The following TDRD12 variants were observed in gnomAD, a reference collection of about 807,000 sequenced individuals.
TDRD12 encodes tudor domain containing 12.
A neutral mutation model predicts 133.5 loss-of-function variants in TDRD12; 158 were observed. The ratio of observed to expected loss-of-function variants is 1.18; its 90% CI spans 1.04 to 1.35. The LOEUF (loss-of-function observed/expected upper bound fraction) is 1.35. Ranked by LOEUF, TDRD12 falls within the 40% of genes most tolerant of loss-of-function variation. The pLI, the probability that TDRD12 is intolerant of heterozygous loss-of-function variation, is 0.00. For synonymous variants in TDRD12, 460 were observed against 477.9 expected (o/e 0.96, Z 0.49); for missense variants, 1,443 against 1,321.3 (o/e 1.09, Z -1.43).
chr19:32,753,776 C>CA (rs1234167700), intron 6 of TDRD12, among the ~76,000 whole-genome samples: 2 of 151,576 alleles, frequency 1.3e-5, no homozygotes, highest in African/African-American at 4.9e-5. Context: ...CTCGGCCTCC[C>CA]AAAGTGTTGG....
At chr19:32,742,965 T>C in intron 4 of TDRD12, 65 bp downstream of exon 4, 1 of 1,535,352 alleles carries the variant, frequency 6.5e-7, no homozygotes, top group South Asian at 1.2e-5. Flanking sequence ...GCACGATCTT[T>C]GTATGAAGTC....
At chr19:32,783,399 A>T (rs1405473609) in intron 11 of TDRD12, among the ~76,000 whole-genome samples, 1 of 152,158 alleles carries the variant, frequency 6.6e-6, no homozygotes, top group Non-Finnish European at 1.5e-5. Flanking sequence ...AGGTAGCGTG[A>T]TGCCTCCAGC....
chr19:32,766,521 T>C (rs929042533), intron 8 of TDRD12, among the ~76,000 whole-genome samples: 1 of 152,222 alleles, frequency 6.6e-6, no homozygotes, highest in African/African-American at 2.4e-5. Context: ...TCTGTTTGTC[T>C]CATCTGGTTT....
At chr19:32,730,604 T>A (rs185758018) in intron 1 of TDRD12, among the ~76,000 whole-genome samples, 59 of 152,300 alleles carry the variant, frequency 3.9e-4, no homozygotes, top group Admixed American at 1.2e-3. Flanking sequence ...TTCAGAAAAG[T>A]AGAAATAATA....
intron 22 of TDRD12, among the ~76,000 whole-genome samples, chr19:32,809,682 G>A (rs1966934536): frequency 6.6e-6 from 1 of 152,134 alleles, no homozygotes; most frequent in Non-Finnish European, 1.5e-5. Flanking sequence ...TTTCATCCCT[G>A]TAACCCTGGA....
chr19:32,762,943 T>C (rs1599553572), intron 8 of TDRD12, among the ~76,000 whole-genome samples: 1 of 152,222 alleles, frequency 6.6e-6, no homozygotes, highest in Non-Finnish European at 1.5e-5. Flanking sequence ...CTGTACAGTA[T>C]GTTACTGTAT....
chr19:32,764,429 A>C (rs1970238372), intron 8 of TDRD12, among the ~76,000 whole-genome samples: 1 of 151,140 alleles, frequency 6.6e-6, no homozygotes, highest in Non-Finnish European at 1.5e-5. Flanking sequence ...ATCTTCATTG[A>C]CTCCTTAAGT....
chr19:32,742,266 C>T (rs1346681598), intron 3 of TDRD12, among the ~76,000 whole-genome samples: 6 of 151,926 alleles, frequency 3.9e-5, no homozygotes, highest in African/African-American at 1.5e-4. Context: ...AAGCAATTCT[C>T]CTGCCTCAGC....
At chr19:32,800,309 T>A in exon 17 of TDRD12, 1 of 1,528,502 alleles carries the variant, frequency 6.5e-7, no homozygotes, top group Non-Finnish European at 8.7e-7. Context: ...GATCCCTACA[T>A]TGTGATCACA....
chr19:32,744,074 G>A (rs895615705), intron 4 of TDRD12, among the ~76,000 whole-genome samples: 5 of 150,178 alleles, frequency 3.3e-5, no homozygotes, highest in Admixed American at 6.6e-5. Context: ...GTCAACATAC[G>A]TATCTCTTCT....
At chr19:32,795,759 A>ATCTGCTCGGCT (rs1490598145) in intron 14 of TDRD12, among the ~76,000 whole-genome samples, 1 of 152,212 alleles carries the variant, frequency 6.6e-6, no homozygotes, top group Non-Finnish European at 1.5e-5. Context: ...TGATGCTGGC[A>ATCTGCTCGGCT]TCTGCTCGGC....
chr19:32,802,934 G>C, exon 21 of TDRD12: 1 of 1,535,604 alleles, frequency 6.5e-7, no homozygotes, highest in Non-Finnish European at 8.7e-7. Context: ...TTCTCCTGCA[G>C]AACAGGGAGA....
chr19:32,773,722 G>A (rs541696401), intron 10 of TDRD12, among the ~76,000 whole-genome samples, 190 bp downstream of exon 10: 8 of 152,094 alleles, frequency 5.3e-5, no homozygotes, highest in East Asian at 1.9e-4. Context: ...ATAATAATTC[G>A]GTGTAATTGA....
intron 2 of TDRD12, among the ~76,000 whole-genome samples, chr19:32,732,714 T>C (rs921974005): frequency 6.6e-6 from 1 of 152,184 alleles, no homozygotes; most frequent in African/African-American, 2.4e-5. Context: ...ATAAACTCTT[T>C]ATGAGAAAAA....
chr19:32,797,509 A>G (rs1208074090), intron 14 of TDRD12, among the ~76,000 whole-genome samples: 1 of 152,214 alleles, frequency 6.6e-6, no homozygotes, highest in African/African-American at 2.4e-5. Context: ...TAAGAGCTAA[A>G]TGAATGCATA....
rs529399464 is a variant in TDRD12 at position 32,802,824 on chromosome 19, T to C, written c.2331+35T>C. 6 of 1,535,372 alleles carry C rather than the reference T, an allele frequency of 3.9e-6. No homozygotes were observed. In the South Asian group the frequency reaches 7.1e-5, roughly 18 times the overall value. ...ATTTTTATTCTCTTCCATATTCCAC[T>C]GGCATCTTCTGTGTCATGATAAGCT... is the stretch of plus-strand genomic sequence containing the variant. On this transcript the variant is annotated intron_variant, in intron 20 of 27. Coordinates refer to ENST00000444215, the Ensembl canonical transcript of TDRD12.
Position 32,771,301 on chromosome 19 carries a change from G to C in TDRD12, c.866-1452G>C, listed in dbSNP as rs1056344360. On this transcript the variant is annotated intron_variant, in intron 8 of 27. Transcript: ENST00000444215. ...TTCTCCTGCCTCAGCCTCCCAAGTA[G>C]CTGGGACTACAGGTGTGCGTCACCA... Among the ~76,000 whole-genome samples, 6 of 152,146 alleles carry C rather than the reference G, an allele frequency of 3.9e-5. No individual in the cohort carries two copies. The South Asian group carries it at 8.3e-4, about 21-fold the overall frequency.
At chr19:32,720,863 C>T (rs889748535) in intron 1 of TDRD12, among the ~76,000 whole-genome samples, 12 of 113,312 alleles carry the variant, frequency 1.1e-4, no homozygotes, top group Non-Finnish European at 1.9e-4. Context: ...GGGCTGGGAG[C>T]TGGGGTAGAA....
chr19:32,811,349 C>G lies in TDRD12; in HGVS notation c.2977C>G (p.Pro993Ala), dbSNP rs1258457684. The G allele has an allele frequency of 2.0e-6, 3 of 1,536,140 alleles. No individual in the cohort carries two copies. In the South Asian group the frequency reaches 3.6e-5, roughly 18 times the overall value. The stretch of plus-strand genomic sequence containing the variant: ...TCTCCCAGAACATTTCCACACACTT[C>G]CCCCGCAGGCTGTGGAGTTTATTGT... The change falls in exon 24 of 28, where the codon CCC (proline) becomes GCC (alanine). Residue 993 changes from proline to alanine, a missense_variant. Physicochemically the swap from Pro to Ala is conservative, Grantham distance 27. Transcript: ENST00000444215.
Sources: allele counts gnomAD v4.1 joint callset (sites outside exome capture counted in the v4.1 genomes callset), GRCh38; gene constraint gnomAD v4.1.1; transcripts MANE v1.5; gene names NCBI Gene and HGNC (gene_info 2026-07-23, HGNC 2026-07-21).